TEKT1: variants seen among roughly 807,000 people sequenced by gnomAD.
TEKT1 encodes the protein tektin-1.
Under a neutral mutation model 34.8 loss-of-function variants are expected in TEKT1, and 32 were observed. That is an observed-to-expected ratio of 0.92 (90% CI 0.69 to 1.23). The LOEUF is 1.23. Among genes scored for constraint, TEKT1 ranks in the 50% most tolerant of loss-of-function variants. TEKT1 has a pLI of 0.00. For missense variants in TEKT1, 492 were observed against 518.5 expected, an observed-to-expected ratio of 0.95 and a Z score of 0.50; for synonymous variants, 207 against 199.8, an observed-to-expected ratio of 1.04 and a Z score of -0.30.
chr17:6,818,149 G>T (rs1977033071), intron 3 of TEKT1, among the ~76,000 whole-genome samples: 1 of 152,128 alleles, frequency 6.6e-6, no homozygotes, highest in Non-Finnish European at 1.5e-5. Flanking sequence ...GAGGTCACTG[G>T]GGGCCCTATC....
intron 2 of TEKT1, among the ~76,000 whole-genome samples, chr17:6,822,187 A>C (rs1425278037): frequency 1.3e-5 from 2 of 152,168 alleles, no homozygotes; most frequent in Non-Finnish European, 1.5e-5. Flanking sequence ...CCCAGGCTGG[A>C]GTGCAGTGGC....
At chr17:6,807,966 G>T (rs1976868934) in intron 6 of TEKT1, among the ~76,000 whole-genome samples, 1 of 152,198 alleles carries the variant, frequency 6.6e-6, no homozygotes, top group Non-Finnish European at 1.5e-5. Flanking sequence ...CCAGCTGCAT[G>T]CTGGGAGAAC....
chr17:6,806,054 G>A (rs996307460), intron 6 of TEKT1, among the ~76,000 whole-genome samples: 31 of 152,120 alleles, frequency 2.0e-4, no homozygotes, highest in African/African-American at 7.2e-4. Flanking sequence ...TCTGTCTAAT[G>A]TTGACAGTGG....
At chr17:6,805,098 T>A (rs1055162978) in intron 6 of TEKT1, among the ~76,000 whole-genome samples, 1 of 151,934 alleles carries the variant, frequency 6.6e-6, no homozygotes, top group African/African-American at 2.4e-5. Flanking sequence ...GGTCCTGGAA[T>A]TTTTTTTGGT....
In TEKT1 at chr17:6,815,886, C is replaced by A; in HGVS notation, c.433G>T (p.Gly145Cys). 1 of 1,614,188 alleles carries A rather than the reference C, an allele frequency of 6.2e-7. No individual in the cohort carries two copies. Among genetic ancestry groups the A allele is most frequent in the South Asian group, 1.1e-5 (1 of 91,086 alleles). ...ELIKEAEIIQ[G>C]IMALLTRTLE... ...GTACGGGTCAGCAGAGCCATAATGCCCTGGATGATCTCAGCCTCCTTTATC... is the reference window on the plus strand; with the variant it reads ...GTACGGGTCAGCAGAGCCATAATGCACTGGATGATCTCAGCCTCCTTTATC... The change falls in exon 4 of 8, where the codon GGC becomes TGC. Residue 145 changes from glycine to cysteine, a missense_variant. Transcript: ENST00000338694.
intron 6 of TEKT1, 79 bp downstream of exon 6, chr17:6,812,752 G>T: frequency 7.1e-7 from 1 of 1,404,878 alleles, no homozygotes; most frequent in Non-Finnish European, 9.9e-7. Flanking sequence ...CTAGCGGTCT[G>T]GCCCAGGGGG....
At chr17:6,813,967 T>TCTCTCTCTCA (rs2151586335) in intron 5 of TEKT1, among the ~76,000 whole-genome samples, 1 of 151,926 alleles carries the variant, frequency 6.6e-6, no homozygotes, top group African/African-American at 2.4e-5. Flanking sequence ...TCTCTCTCTC[T>TCTCTCTCTCA]CTCTCTCTCT....
chr17:6,830,532 G>A (rs563527932), intron 1 of TEKT1, 139 bp from the exon 2 acceptor site: 6 of 639,556 alleles, frequency 9.4e-6, no homozygotes, highest in African/African-American at 7.8e-5. Flanking sequence ...CTGTGTAGCC[G>A]GCACCCAAAC....
chr17:6,808,436 G>C (rs8068958), intron 6 of TEKT1, among the ~76,000 whole-genome samples: 101,084 of 151,926 alleles, frequency 0.67, 35,031 homozygotes, highest in African/African-American at 0.88. Flanking sequence ...ATGCCTCACC[G>C]TGCTTCGGCT....
At chr17:6,813,286 C>G (rs1334812737) in intron 5 of TEKT1, among the ~76,000 whole-genome samples, 1 of 152,028 alleles carries the variant, frequency 6.6e-6, no homozygotes, top group African/African-American at 2.4e-5. Context: ...CTCATGATGG[C>G]CAAGTGAGCT....
rs11867707 is a variant in TEKT1 at position 6,811,455 on chromosome 17, G to C, written c.852+1376C>G. 0.087 allele frequency among the ~76,000 whole-genome samples: 13,226 copies of C among 151,978 alleles called. 673 individuals carry two copies. Among genetic ancestry groups the C allele is most frequent in the Middle Eastern group, 0.18 (54 of 292 alleles). On this transcript the variant is annotated intron_variant, in intron 6 of 7. Coordinates refer to ENST00000338694, the MANE Select transcript of TEKT1 (RefSeq NM_053285.2). The surrounding 1 kb of genome is among the most constrained non-coding windows in gnomAD (Gnocchi z 4.4). Reference sequence around the variant, plus strand: ...AAGGAGGAAACTAAGGAACAGGGGAGTTCAGGGTCTCCCTAAGGTCACACA... The same window carrying C: ...AAGGAGGAAACTAAGGAACAGGGGACTTCAGGGTCTCCCTAAGGTCACACA...
chr17:6,820,633 C>G (rs1233020617), intron 2 of TEKT1, among the ~76,000 whole-genome samples: 1 of 152,080 alleles, frequency 6.6e-6, no homozygotes. Flanking sequence ...AGTAAGCTAT[C>G]AATTTTCTTT....
At chr17:6,820,494 T>C (rs1977072406) in intron 2 of TEKT1, among the ~76,000 whole-genome samples, 1 of 152,176 alleles carries the variant, frequency 6.6e-6, no homozygotes, top group African/African-American at 2.4e-5. Context: ...AAAAAAAATG[T>C]TATTGTATAT....
At chr17:6,829,652 T>C (rs569930615) in intron 2 of TEKT1, among the ~76,000 whole-genome samples, 267 of 152,246 alleles carry the variant, frequency 1.8e-3, no homozygotes, top group African/African-American at 6.1e-3. Flanking sequence ...CCAGCCAGTA[T>C]ACTTTAAATC....
chr17:6,809,055 TTCCCATATGCTTTC>T (rs1976888990), intron 6 of TEKT1, among the ~76,000 whole-genome samples: 1 of 152,164 alleles, frequency 6.6e-6, no homozygotes, highest in Non-Finnish European at 1.5e-5. Context: ...GAAAGTAGAA[TTCCCATATGCTTTC>T]TCCCCCCATC....
intron 6 of TEKT1, among the ~76,000 whole-genome samples, chr17:6,803,809 A>G (rs1597785032): frequency 6.6e-6 from 1 of 152,162 alleles, no homozygotes; most frequent in South Asian, 2.1e-4. Context: ...GTTCTGTTCC[A>G]TTGGTCTACA....
intron 6 of TEKT1, among the ~76,000 whole-genome samples, chr17:6,805,986 C>G (rs1238488128): frequency 6.6e-6 from 1 of 152,110 alleles, no homozygotes; most frequent in Non-Finnish European, 1.5e-5. Context: ...ATTAGGTCTG[C>G]TTGGTGCAGA....
chr17:6,800,473 G>C (rs556773733), intron 7 of TEKT1, among the ~76,000 whole-genome samples: 2 of 152,184 alleles, frequency 1.3e-5, no homozygotes, highest in Non-Finnish European at 2.9e-5. Context: ...GATTCATGAC[G>C]TAGACACCTT....
Position 6,811,701 on chromosome 17 carries a change from G to A in TEKT1, c.852+1130C>T, listed in dbSNP as rs567594499. Among the ~76,000 whole-genome samples, 509 of 152,276 alleles carry A rather than the reference G, an allele frequency of 3.3e-3. 1 individual carries two copies. The highest frequency in any genetic ancestry group is 5.8e-3 in the Non-Finnish European group (394 of 68,012). On this transcript the variant is annotated intron_variant, in intron 6 of 7. Coordinates refer to ENST00000338694, the MANE Select transcript of TEKT1 (RefSeq NM_053285.2). The surrounding 1 kb of genome is among the most constrained non-coding windows in gnomAD (Gnocchi z 4.4). Reference sequence around the variant, plus strand: ...GTGGCAACAGGACAGGGATTCAGGGGCTGAGAAGGCCTGGGCTCCACTCCC... The same window carrying A: ...GTGGCAACAGGACAGGGATTCAGGGACTGAGAAGGCCTGGGCTCCACTCCC...
Sources: gnomAD v4.1 joint callset for allele counts (sites outside exome capture counted in the v4.1 genomes callset) on GRCh38, gnomAD v4.1.1 for gene constraint, Gnocchi (gnomAD v3.1) non-coding constraint, MANE v1.5 for transcripts, NCBI Gene and HGNC (gene_info 2026-07-23, HGNC 2026-07-21) for gene names.